Variants in AXL observed in about 807,000 individuals in gnomAD.
AXL encodes the protein AXL receptor tyrosine kinase, also known as tyrosine-protein kinase receptor UFO.
AXL carries 52 observed loss-of-function variants against 104.5 expected under a neutral mutation model. The observed-to-expected ratio is 0.50, with a 90% CI of 0.40 to 0.63. AXL has a LOEUF of 0.63. Among genes scored for constraint, AXL ranks in the 20% least tolerant of loss-of-function variants. AXL has a pLI of 0.00. For synonymous variants in AXL, 455 were observed against 473.7 expected, an observed-to-expected ratio of 0.96 and a Z score of 0.51; for missense variants, 1,024 against 1,188.5, an observed-to-expected ratio of 0.86 and a Z score of 2.04.
Position 41,238,926 on chromosome 19 carries a change from C to T in AXL, c.1135-238C>T, listed in dbSNP as rs3786556. On this transcript the variant is annotated intron_variant, in intron 8 of 19. Transcript: ENST00000301178. ...TTTCCTGATTTTCACAAAGGCACTC[C>T]TATCAGGGCTAGCAATACCCTGACA... 0.18 allele frequency among the ~76,000 whole-genome samples: 27,204 copies of T among 151,718 alleles called. 2,523 individuals carry two copies. The highest frequency in any genetic ancestry group is 0.27 in the East Asian group (1,370 of 5,146).
At chr19:41,257,412 G>A (rs1405583329) in intron 18 of AXL, 81 bp from the exon 19 acceptor site, 3 of 1,556,926 alleles carry the variant, frequency 1.9e-6, no homozygotes, top group Non-Finnish European at 2.6e-6. Context: ...GTACATAAGT[G>A]TGGGTGTACC....
chr19:41,231,560 T>C (rs535742910), intron 6 of AXL, among the ~76,000 whole-genome samples: 2 of 152,302 alleles, frequency 1.3e-5, no homozygotes, highest in South Asian at 4.1e-4. Context: ...CTACCTGGTA[T>C]GCTTAGTGTG....
chr19:41,219,965 T>C (rs1458118796), intron 1 of AXL, among the ~76,000 whole-genome samples: 3 of 151,472 alleles, frequency 2.0e-5, no homozygotes, highest in African/African-American at 7.3e-5. Flanking sequence ...GGGAGGAGGC[T>C]CTCACTTTGT....
chr19:41,236,842 T>C (rs1183211148), intron 6 of AXL, among the ~76,000 whole-genome samples: 1 of 151,740 alleles, frequency 6.6e-6, no homozygotes, highest in African/African-American at 2.4e-5. Context: ...ATCTTCAGTG[T>C]ACCTCTAGAT....
Position 41,238,049 on chromosome 19 carries a change from G to C in AXL, c.889G>C (p.Gly297Arg). Residue 297 changes from glycine to arginine, a missense_variant, in exon 7 of 20, where the codon GGC (glycine) becomes CGC (arginine). Around this residue, in one of 5 missense-constraint regions of AXL, gnomAD observed 332 missense variants for 343.9 expected, o/e 0.97. Transcript: ENST00000301178. ...CGTGCCCCCCCATCAGCTTCGGCTA[G>C]GCAGCCTCCATCCTCACACCCCTTA... ...ASVPPHQLRL[G>R]SLHPHTPYHI... The C allele has an allele frequency of 1.2e-6, 2 of 1,613,890 alleles. No homozygotes were observed. The highest frequency in any genetic ancestry group is 1.7e-5 in the Admixed American group (1 of 59,968).
At chr19:41,236,756 G>T (rs1227036417) in intron 6 of AXL, among the ~76,000 whole-genome samples, 3 of 147,364 alleles carry the variant, frequency 2.0e-5, no homozygotes, top group African/African-American at 2.5e-5. Flanking sequence ...TAGCCTGGGC[G>T]ACAGAGCAAG....
At chr19:41,244,934 A>T (rs1568415387) in intron 12 of AXL, among the ~76,000 whole-genome samples, 5 of 141,350 alleles carry the variant, frequency 3.5e-5, no homozygotes, top group Non-Finnish European at 7.8e-5. Context: ...AGTCTATACT[A>T]TTTTTTTTTT....
Position 41,257,611 on chromosome 19 carries a change from C to T in AXL, c.2315C>T (p.Ala772Val), listed in dbSNP as rs748675894. 2.3e-5 allele frequency: 37 copies of T among 1,614,172 alleles called. No homozygotes were observed. Among genetic ancestry groups the T allele is most frequent in the Middle Eastern group, 1.6e-4 (1 of 6,062 alleles). Reference sequence around the variant, plus strand: ...CAGGGAAATCGCCTGAAGCAGCCTGCGGACTGTCTGGATGGACTGTGAGGA... The same window carrying T: ...CAGGGAAATCGCCTGAAGCAGCCTGTGGACTGTCTGGATGGACTGTGAGGA... Reference protein sequence around the residue: ...LRQGNRLKQPADCLDGLYALM... With the variant: ...LRQGNRLKQPVDCLDGLYALM... Residue 772 changes from alanine to valine, a missense_variant, in exon 19 of 20, where the codon GCG becomes GTG. Ala to Val is a moderately conservative substitution (Grantham distance 64). This residue lies in a region of AXL where 523 missense variants were observed against 636.0 expected (regional missense o/e 0.82). Transcript: ENST00000301178.
chr19:41,253,178 G>A (rs949370237), intron 16 of AXL, among the ~76,000 whole-genome samples: 10 of 152,166 alleles, frequency 6.6e-5, no homozygotes, highest in African/African-American at 2.4e-4. Context: ...AAATACAGTA[G>A]GATGGAAGAT....
chr19:41,253,774 T>C (rs2034408825), intron 17 of AXL, 66 bp downstream of exon 17: 32 of 1,297,876 alleles, frequency 2.5e-5, no homozygotes, highest in Non-Finnish European at 3.5e-5. Context: ...GTTCCCTCCC[T>C]CCTTCTTAGG....
chr19:41,257,753 C>T (rs1172887788), intron 19 of AXL, 124 bp downstream of exon 19: 2 of 1,266,356 alleles, frequency 1.6e-6, no homozygotes, highest in Non-Finnish European at 2.2e-6. Context: ...GCTGAGTGAC[C>T]CACTTGCCCC....
chr19:41,220,206 C>T (rs993224793), intron 1 of AXL, among the ~76,000 whole-genome samples: 1 of 151,810 alleles, frequency 6.6e-6, no homozygotes, highest in Non-Finnish European at 1.5e-5. Flanking sequence ...ATCTCCCCTG[C>T]CTTTCTCTGG....
intron 10 of AXL, among the ~76,000 whole-genome samples, chr19:41,241,871 A>C (rs1025584711): frequency 1.3e-5 from 2 of 152,140 alleles, no homozygotes; most frequent in African/African-American, 4.8e-5. Context: ...AAAGAGACAA[A>C]GAAAACCCTT....
Position 41,253,854 on chromosome 19 carries a change from C to G in AXL, c.2036+146C>G, listed in dbSNP as rs2034410003. ...GGACCAGGAAAGTCAGTAAGGGGGTCTGGGAAGGCTTCCTGGAGGAGGTGA... is the reference window on the plus strand; with the variant it reads ...GGACCAGGAAAGTCAGTAAGGGGGTGTGGGAAGGCTTCCTGGAGGAGGTGA... On this transcript the variant is annotated intron_variant, in intron 17 of 19. Transcript: ENST00000301178. The G allele has an allele frequency of 6.1e-6, 4 of 657,858 alleles. No individual in the cohort carries two copies. In the South Asian group the frequency reaches 7.1e-5, roughly 12 times the overall value. The allele number at this position is 657,858 out of a possible 1,614,324, so 40.8% of individuals were successfully genotyped here. A position where few individuals can be genotyped will look rare whatever the true frequency, so the allele number is the denominator to read the frequency against.
intron 6 of AXL, among the ~76,000 whole-genome samples, chr19:41,234,289 T>C (rs1185999582): frequency 1.3e-5 from 2 of 152,160 alleles, no homozygotes; most frequent in Non-Finnish European, 2.9e-5. Context: ...TCCAGTAATG[T>C]GCTTGACAGA....
At position 41,242,887 on chromosome 19, in the gene AXL, G is replaced by A; in HGVS notation, c.1317G>A (p.Lys439=). 1 of 1,614,170 alleles carries A rather than the reference G, an allele frequency of 6.2e-7. No individual in the cohort carries two copies. Among genetic ancestry groups the A allele is most frequent in the Non-Finnish European group, 8.5e-7 (1 of 1,180,010 alleles). The change falls in exon 11 of 20, where the codon AAG becomes AAA. Residue 439 remains lysine, a synonymous_variant. Coordinates refer to ENST00000301178, the MANE Select transcript of AXL (RefSeq NM_021913.5). ...GTTCCTCATACCCCCTGATAGTGAA[G>A]GAACCTTCAACTCCTGCCTTCTCGT... The part of the protein sequence containing the change: ...GQAQPVHQLV[K]EPSTPAFSWP...
intron 3 of AXL, 136 bp from the exon 4 acceptor site, chr19:41,221,744 C>T: frequency 1.1e-6 from 1 of 940,382 alleles, no homozygotes; most frequent in Non-Finnish European, 1.5e-6. Context: ...CTCAGGTGCC[C>T]TCGGGGATCA....
chr19:41,238,144 G>T lies in AXL; in HGVS notation c.984G>T (p.Thr328=). The change falls in exon 7 of 20, where the codon ACG becomes ACT. Residue 328 remains threonine, a synonymous_variant. Coordinates refer to ENST00000301178, the MANE Select transcript of AXL (RefSeq NM_021913.5). ...GGACCCACTGGCTTCCTGTGGAGAC[G>T]CCGGAGGGAGGTAAGAAGGGTTGGG... ...SSWTHWLPVE[T]PEGVPLGPPE... is the part of the protein sequence containing the mutation. 1 of 1,613,978 alleles carries T rather than the reference G, an allele frequency of 6.2e-7. No homozygotes were observed. The highest frequency in any genetic ancestry group is 8.5e-7 in the Non-Finnish European group (1 of 1,179,974).
chr19:41,230,896 G>A (rs2033974284), intron 4 of AXL, 71 bp from the exon 5 acceptor site: 1 of 1,507,212 alleles, frequency 6.6e-7, no homozygotes, highest in Admixed American at 1.7e-5. Context: ...TGGTAGGAGT[G>A]GCCCGGCATG....
Sources: allele counts gnomAD v4.1 joint callset (sites outside exome capture counted in the v4.1 genomes callset), GRCh38; gene constraint gnomAD v4.1.1; regional missense constraint gnomAD v4.1.1; transcripts MANE v1.5; gene names NCBI Gene and HGNC (gene_info 2026-07-23, HGNC 2026-07-21).